The following TFPI variants were observed in gnomAD, a reference collection of about 807,000 sequenced individuals.
TFPI encodes tissue factor pathway inhibitor.
In TFPI, 15 loss-of-function variants were observed where a neutral mutation model predicts 34.6. The ratio of observed to expected loss-of-function variants is 0.43; its 90% CI spans 0.29 to 0.67. TFPI has a LOEUF of 0.67. Ranked by LOEUF, TFPI falls within the 30% of genes least tolerant of loss-of-function variation. TFPI has a pLI of 0.15. For synonymous variants in TFPI, 105 were observed against 120.1 expected (o/e 0.87, Z 0.82); for missense variants, 301 against 364.0 (o/e 0.83, Z 1.41).
chr2:187,478,712 G>T (rs769127021), intron 6 of TFPI: 1 of 1,613,616 alleles, frequency 6.2e-7, no homozygotes, highest in Non-Finnish European at 8.5e-7. Flanking sequence ...ATCCTAGAAA[G>T]AACATGGATG....
chr2:187,529,050 A>T (rs1024403240), intron 1 of TFPI, among the ~76,000 whole-genome samples: 1 of 152,170 alleles, frequency 6.6e-6, no homozygotes, highest in Non-Finnish European at 1.5e-5. Context: ...CTGAACATAC[A>T]ATATTATAAA....
chr2:187,527,944 C>T (rs533441223), intron 1 of TFPI, among the ~76,000 whole-genome samples: 1 of 152,096 alleles, frequency 6.6e-6, no homozygotes, highest in African/African-American at 2.4e-5. Context: ...ACCTGGACTA[C>T]ATTATCCCAG....
intron 1 of TFPI, among the ~76,000 whole-genome samples, chr2:187,538,445 T>G (rs1688389206): frequency 6.6e-6 from 1 of 152,198 alleles, no homozygotes; most frequent in South Asian, 2.1e-4. Context: ...GGGAAATAGA[T>G]GAAGCTGGAA....
intron 6 of TFPI, among the ~76,000 whole-genome samples, chr2:187,475,098 A>G (rs540303989): frequency 6.6e-6 from 1 of 152,290 alleles, no homozygotes; most frequent in East Asian, 1.9e-4. Context: ...CCTATTTGAC[A>G]AAAACACCTA....
At chr2:187,544,841 G>A (rs1196116669) in intron 1 of TFPI, among the ~76,000 whole-genome samples, 1 of 152,168 alleles carries the variant, frequency 6.6e-6, no homozygotes, top group Non-Finnish European at 1.5e-5. Context: ...TTGGCCAGGT[G>A]CAGTGACTCA....
intron 1 of TFPI, among the ~76,000 whole-genome samples, chr2:187,528,005 C>T (rs1687765371): frequency 6.6e-6 from 1 of 151,748 alleles, no homozygotes; most frequent in Admixed American, 6.6e-5. Context: ...AAAGCCCAAC[C>T]CAGGAAAATA....
At chr2:187,528,143 A>G (rs527810858) in intron 1 of TFPI, among the ~76,000 whole-genome samples, 28 of 152,302 alleles carry the variant, frequency 1.8e-4, no homozygotes, top group African/African-American at 6.5e-4. Flanking sequence ...GTACTTCTAC[A>G]TCACTCTATC....
intron 1 of TFPI, among the ~76,000 whole-genome samples, chr2:187,539,088 GT>G (rs1688431272): frequency 3.6e-3 from 2 of 548 alleles, no homozygotes; most frequent in African/African-American, 6.2e-3. Context: ...TAAATAGAGT[GT>G]GTGTGTGTGT....
chr2:187,534,173 A>C (rs1311718377), intron 1 of TFPI, among the ~76,000 whole-genome samples: 2 of 152,226 alleles, frequency 1.3e-5, no homozygotes, highest in Non-Finnish European at 2.9e-5. Context: ...GAACTTCCCC[A>C]ACCTAGCAAG....
Position 187,467,846 on chromosome 2 carries a change from T to C in TFPI, c.715A>G (p.Ile239Val). Residue 239 changes from isoleucine (I) to valine (V), a missense_variant, in exon 7 of 8, where the codon ATT becomes GTT. Transcript: ENST00000233156. Reference sequence around the variant, plus strand: ...TACTTAAATGGGCGGCATTTCCCAATGACTGAATTGTAGTAGAATCTGTTC... The same window carrying C: ...TACTTAAATGGGCGGCATTTCCCAACGACTGAATTGTAGTAGAATCTGTTC... ...NENRFYYNSV[I>V]GKCRPFKYSG... 1 of 1,612,916 alleles carries C rather than the reference T, an allele frequency of 6.2e-7. No individual in the cohort carries two copies. Among genetic ancestry groups the C allele is most frequent in the Non-Finnish European group, 8.5e-7 (1 of 1,179,450 alleles).
In TFPI at chr2:187,479,587, A is replaced by G. The variant is rs180686081; in HGVS notation, c.628+4537T>C. On this transcript the variant is annotated intron_variant, in intron 6 of 7. Transcript: ENST00000233156. Reference sequence around the variant, plus strand: ...TATATATATATATATATATATATATATATGATTTAAAAATACTGAAATACT... The same window carrying G: ...TATATATATATATATATATATATATGTATGATTTAAAAATACTGAAATACT... 3.7e-3 allele frequency among the ~76,000 whole-genome samples: 484 copies of G among 131,140 alleles called. 3 individuals carry two copies. The highest frequency in any genetic ancestry group is 0.03 in the Middle Eastern group (7 of 232). 86.0% of individuals were successfully genotyped at this position (131,140 alleles called of 152,430 possible). A position where few individuals can be genotyped will look rare whatever the true frequency, so the allele number is the denominator to read the frequency against.
At chr2:187,547,551 C>T (rs1023183599) in intron 1 of TFPI, 3 of 152,028 alleles carry the variant, frequency 2.0e-5, no homozygotes, top group Admixed American at 6.6e-5. Context: ...CAGATGACAT[C>T]GTGATCAACT....
chr2:187,503,510 G>A, intron 2 of TFPI, 138 bp downstream of exon 2: 2 of 742,508 alleles, frequency 2.7e-6, no homozygotes, highest in Non-Finnish European at 4.1e-6. Context: ...CATACATTAG[G>A]TATAATAAAT....
chr2:187,529,901 C>T (rs1431215788), intron 1 of TFPI, among the ~76,000 whole-genome samples: 2 of 152,184 alleles, frequency 1.3e-5, no homozygotes, highest in East Asian at 3.8e-4. Flanking sequence ...TCATATCAAT[C>T]ACATTTCTAT....
rs199557966 is a variant in TFPI, at chr2:187,465,492, G to GAAAAA, written c.*1439_*1443dup. ...AAAACATAACAAAACAAAACAAAATGAAAAAAAAAAAAAAACAAGAAAAAA... is the reference window on the plus strand; with the variant it reads ...AAAACATAACAAAACAAAACAAAATGAAAAAAAAAAAAAAAAAAAACAAGAAAAAA... On this transcript the variant is annotated 3_prime_UTR_variant, in exon 8 of 8. Transcript: ENST00000233156. 1.5e-5 allele frequency: 1 copy of GAAAAA among 67,786 alleles called. No homozygotes were observed. Among genetic ancestry groups the GAAAAA allele is most frequent in the Admixed American group, 1.9e-4 (1 of 5,166 alleles). The allele number at this position is 67,786 out of a possible 1,614,324, so 4.2% of individuals were successfully genotyped here.
chr2:187,539,091 TG>T (rs1205375365), intron 1 of TFPI, among the ~76,000 whole-genome samples: 159 of 151,946 alleles, frequency 1.0e-3, no homozygotes, highest in Non-Finnish European at 1.9e-3. Context: ...ATAGAGTGTG[TG>T]TGTGTGTGTG....
chr2:187,536,214 T>G (rs1688244762), intron 1 of TFPI, among the ~76,000 whole-genome samples: 1 of 152,146 alleles, frequency 6.6e-6, no homozygotes, highest in South Asian at 2.1e-4. Flanking sequence ...AAAGAGGGAC[T>G]CCTCCCTAAC....
chr2:187,522,876 G>A (rs1268269117), intron 1 of TFPI, among the ~76,000 whole-genome samples: 1 of 147,982 alleles, frequency 6.8e-6, no homozygotes, highest in Non-Finnish European at 1.5e-5. Flanking sequence ...GGGTGACAGA[G>A]CGAGACTGTG....
At chr2:187,472,998 A>G (rs1692142940) in intron 6 of TFPI, among the ~76,000 whole-genome samples, 1 of 151,956 alleles carries the variant, frequency 6.6e-6, no homozygotes, top group Admixed American at 6.6e-5. Context: ...GGGTAACAGA[A>G]CAAGACTCCA....
Sources: gnomAD v4.1 joint callset for allele counts (sites outside exome capture counted in the v4.1 genomes callset) on GRCh38, gnomAD v4.1.1 for gene constraint, MANE v1.5 for transcripts, NCBI Gene and HGNC (gene_info 2026-07-23, HGNC 2026-07-21) for gene names.